Variants in DOCK3 observed in about 807,000 individuals in gnomAD.
The protein encoded by DOCK3 is dedicator of cytokinesis protein 3.
In DOCK3, 60 loss-of-function variants were observed where a neutral mutation model predicts 265.6. The observed-to-expected ratio is 0.23, with a 90% CI of 0.18 to 0.28. The LOEUF (loss-of-function observed/expected upper bound fraction) is 0.28. DOCK3 is among the 10% of genes least tolerant of loss of function. The pLI, the probability that DOCK3 is intolerant of heterozygous loss-of-function variation, is 1.00. For synonymous variants in DOCK3, 881 were observed against 938.0 expected, an observed-to-expected ratio of 0.94 and a Z score of 1.11; for missense variants, 1,981 against 2,594.3, an observed-to-expected ratio of 0.76 and a Z score of 5.14.
chr3:51,304,049 C>T (rs1267780829), intron 27 of DOCK3, among the ~76,000 whole-genome samples: 2 of 151,788 alleles, frequency 1.3e-5, no homozygotes, highest in African/African-American at 2.4e-5. Context: ...ACACCATAGC[C>T]GCAGGTCTCC....
At chr3:51,098,664 A>AG (rs1223060431) in intron 9 of DOCK3, among the ~76,000 whole-genome samples, 1 of 152,242 alleles carries the variant, frequency 6.6e-6, no homozygotes. Flanking sequence ...GTCCACTAAT[A>AG]GACCTGCAAT....
intron 9 of DOCK3, among the ~76,000 whole-genome samples, chr3:51,142,737 T>A (rs1296474022): frequency 1.3e-5 from 2 of 152,142 alleles, no homozygotes; most frequent in Non-Finnish European, 2.9e-5. Flanking sequence ...AGTAAACACA[T>A]AGGAGGAGAA....
intron 12 of DOCK3, among the ~76,000 whole-genome samples, chr3:51,205,205 AAG>A (rs1163030466): frequency 6.6e-6 from 1 of 151,986 alleles, no homozygotes; most frequent in Non-Finnish European, 1.5e-5. Flanking sequence ...GTGAAAAAAA[AAG>A]AAAAAGAAGG....
intron 3 of DOCK3, among the ~76,000 whole-genome samples, chr3:50,870,393 T>C (rs1422005532): frequency 6.6e-6 from 1 of 152,340 alleles, no homozygotes; most frequent in East Asian, 1.9e-4. Flanking sequence ...TTATAATTTT[T>C]GTCTTGAAAT....
chr3:51,279,762 A>G (rs1208585400), intron 26 of DOCK3, among the ~76,000 whole-genome samples: 15 of 152,162 alleles, frequency 9.9e-5, no homozygotes. Flanking sequence ...CCCCTTTTCC[A>G]AGTATCCTCT....
At chr3:51,236,818 C>A (rs549735759) in intron 20 of DOCK3, among the ~76,000 whole-genome samples, 1 of 152,334 alleles carries the variant, frequency 6.6e-6, no homozygotes, top group South Asian at 2.1e-4. Flanking sequence ...ATGCTGGTCT[C>A]TAGAGACCTG....
At chr3:50,909,469 T>G (rs1227716744) in intron 4 of DOCK3, among the ~76,000 whole-genome samples, 1 of 152,078 alleles carries the variant, frequency 6.6e-6, no homozygotes, top group Non-Finnish European at 1.5e-5. Context: ...TCTTCGCTTA[T>G]GAAGCTTAGT....
chr3:51,354,828 G>A lies in DOCK3; in HGVS notation c.4108-54G>A. The stretch of plus-strand genomic sequence containing the variant: ...ATGTAGCTACTGACTCCAGGGTGGA[G>A]GTGGGGGGCTACAAGCAAAGCATAC... On this transcript the variant is annotated intron_variant, in intron 40 of 52. Transcript: ENST00000266037. The A allele has an allele frequency of 3.2e-6, 5 of 1,586,640 alleles. No homozygotes were observed. The Middle Eastern group carries it at 6.7e-4, about 214-fold the overall frequency.
intron 1 of DOCK3, among the ~76,000 whole-genome samples, chr3:50,684,479 C>T (rs1460512738): frequency 6.6e-6 from 1 of 151,934 alleles, no homozygotes; most frequent in East Asian, 1.9e-4. Flanking sequence ...CTTTTTTTCC[C>T]TTGGCCTTTC....
At chr3:51,082,472 C>G (rs1307856471) in intron 7 of DOCK3, among the ~76,000 whole-genome samples, 3 of 152,142 alleles carry the variant, frequency 2.0e-5, no homozygotes, top group Non-Finnish European at 2.9e-5. Context: ...GAGACTGCCC[C>G]CATGACAAAG....
intron 9 of DOCK3, among the ~76,000 whole-genome samples, chr3:51,092,531 A>AC (rs969317446): frequency 2.0e-5 from 3 of 151,530 alleles, no homozygotes; most frequent in African/African-American, 7.3e-5. Context: ...TATAGATAAA[A>AC]CCCCCATCTC....
At chr3:51,338,615 T>C (rs966490336) in intron 36 of DOCK3, among the ~76,000 whole-genome samples, 196 bp downstream of exon 36, 1 of 152,172 alleles carries the variant, frequency 6.6e-6, no homozygotes, top group Non-Finnish European at 1.5e-5. Flanking sequence ...TGAAACGAGC[T>C]TCTCTTTGGA....
intron 1 of DOCK3, among the ~76,000 whole-genome samples, chr3:50,715,888 G>T (rs913074558): frequency 6.6e-6 from 1 of 151,934 alleles, no homozygotes; most frequent in East Asian, 1.9e-4. Context: ...TATGTCTTAG[G>T]TTTTTTTCTA....
At chr3:50,819,315 A>G (rs1192981630) in intron 2 of DOCK3, among the ~76,000 whole-genome samples, 1 of 152,140 alleles carries the variant, frequency 6.6e-6, no homozygotes, top group Non-Finnish European at 1.5e-5. Context: ...TGCCTGTAGC[A>G]CTAACATTGA....
intron 1 of DOCK3, among the ~76,000 whole-genome samples, chr3:50,739,164 G>A (rs898703695): frequency 1.3e-5 from 2 of 152,032 alleles, no homozygotes; most frequent in Admixed American, 1.3e-4. Flanking sequence ...TTTTTGCAAC[G>A]TCTTGTTGTC....
At chr3:51,008,666 T>G (rs2078790178) in intron 5 of DOCK3, among the ~76,000 whole-genome samples, 1 of 152,202 alleles carries the variant, frequency 6.6e-6, no homozygotes, top group Non-Finnish European at 1.5e-5. Flanking sequence ...AACACTATGT[T>G]GACTAGAGAG....
chr3:51,307,384 T>C (rs1424056720), intron 27 of DOCK3, among the ~76,000 whole-genome samples: 1 of 152,162 alleles, frequency 6.6e-6, no homozygotes, highest in Non-Finnish European at 1.5e-5. Flanking sequence ...CCCAAAGCAC[T>C]AGGATTACAG....
chr3:51,217,982 G>T (rs549421767), intron 14 of DOCK3, among the ~76,000 whole-genome samples: 5 of 151,752 alleles, frequency 3.3e-5, no homozygotes, highest in African/African-American at 1.2e-4. Flanking sequence ...GCCGGGGGTC[G>T]TGGTGGGCGC....
chr3:51,241,096 G>A (rs965427480), intron 21 of DOCK3, among the ~76,000 whole-genome samples: 11 of 152,100 alleles, frequency 7.2e-5, no homozygotes, highest in Admixed American at 3.3e-4. Flanking sequence ...TGCTTCCTTC[G>A]GGAGCTCTTG....
Sources: allele counts gnomAD v4.1 joint callset (sites outside exome capture counted in the v4.1 genomes callset), GRCh38; gene constraint gnomAD v4.1.1; transcripts MANE v1.5; gene names NCBI Gene and HGNC (gene_info 2026-07-23, HGNC 2026-07-21).